FOXO3: variants seen among roughly 807,000 people sequenced by gnomAD.
FOXO3 encodes the protein forkhead box O3, also known as forkhead box protein O3.
Under a neutral mutation model 41.9 loss-of-function variants are expected in FOXO3, and 4 were observed. That is an observed-to-expected ratio of 0.10 (90% CI 0.05 to 0.22). The LOEUF (loss-of-function observed/expected upper bound fraction) is 0.22, where lower values mean the gene tolerates loss of function less well. FOXO3 is among the 10% of genes least tolerant of loss of function. FOXO3 has a pLI of 1.00. For synonymous variants in FOXO3, 318 were observed against 389.3 expected, an observed-to-expected ratio of 0.82 and a Z score of 2.16; for missense variants, 534 against 906.8, an observed-to-expected ratio of 0.59 and a Z score of 5.28.
chr6:108,560,269 G>T (rs2128353774), upstream of FOXO3, among the ~76,000 whole-genome samples: 1 of 152,318 alleles, frequency 6.6e-6, no homozygotes, highest in South Asian at 2.1e-4. Flanking sequence ...CGACCTGTTG[G>T]AAGATTTATG....
intron 1 of FOXO3, among the ~76,000 whole-genome samples, chr6:108,602,212 A>C (rs1562240589): frequency 6.6e-6 from 1 of 152,128 alleles, no homozygotes; most frequent in Non-Finnish European, 1.5e-5. Flanking sequence ...GATGTCTGAG[A>C]GCATACAGAA....
At chr6:108,567,026 A>G (rs1223624360) in intron 1 of FOXO3, among the ~76,000 whole-genome samples, 1 of 152,260 alleles carries the variant, frequency 6.6e-6, no homozygotes, top group Non-Finnish European at 1.5e-5. Flanking sequence ...AGCAGAAGGC[A>G]GATAAAGTTC....
chr6:108,619,619 T>A (rs1777610782), intron 1 of FOXO3, among the ~76,000 whole-genome samples: 1 of 152,240 alleles, frequency 6.6e-6, no homozygotes, highest in Admixed American at 6.5e-5. Flanking sequence ...TCTGTTTATT[T>A]GCGTCTAAGA....
rs1328532194 is a variant in FOXO3, at chr6:108,599,822, C to G, written c.621+37993C>G. On this transcript the variant is annotated intron_variant, in intron 1 of 2. Coordinates refer to ENST00000406360, the MANE Select transcript of FOXO3 (RefSeq NM_001455.4). ...ACAAATTCTATCTTCTTCCTCCCAT[C>G]CCACTTACTTTTGACTTTGAAGGTG... Among the ~76,000 whole-genome samples, 3 of 152,304 alleles carry G rather than the reference C, an allele frequency of 2.0e-5. No homozygotes were observed. The East Asian group carries it at 5.8e-4, about 29-fold the overall frequency.
intron 1 of FOXO3, among the ~76,000 whole-genome samples, chr6:108,579,052 TG>T (rs1229585554): frequency 6.6e-6 from 1 of 152,158 alleles, no homozygotes; most frequent in Non-Finnish European, 1.5e-5. Context: ...CAAAACACAG[TG>T]GGTTGGCCAG....
intron 1 of FOXO3, among the ~76,000 whole-genome samples, chr6:108,655,513 A>T (rs887609727): frequency 1.3e-5 from 2 of 152,204 alleles, no homozygotes; most frequent in African/African-American, 4.8e-5. Flanking sequence ...CTAATTGCAC[A>T]TTAGAATAAT....
chr6:108,650,557 T>G (rs1778520710), intron 1 of FOXO3, among the ~76,000 whole-genome samples: 1 of 152,240 alleles, frequency 6.6e-6, no homozygotes, highest in Non-Finnish European at 1.5e-5. Flanking sequence ...TTACCTAGCA[T>G]GTACATGAAG....
upstream of FOXO3, among the ~76,000 whole-genome samples, chr6:108,560,299 C>G (rs1370238026): frequency 6.6e-6 from 1 of 152,220 alleles, no homozygotes; most frequent in Non-Finnish European, 1.5e-5. Context: ...GCTCCCTCCC[C>G]CGGATCCCGA....
At chr6:108,594,918 G>C (rs1204942080) in intron 1 of FOXO3, among the ~76,000 whole-genome samples, 3 of 152,174 alleles carry the variant, frequency 2.0e-5, no homozygotes, top group Non-Finnish European at 4.4e-5. Context: ...CTTCCTTTAT[G>C]TGCTTATGCA....
intron 1 of FOXO3, among the ~76,000 whole-genome samples, chr6:108,565,413 A>C (rs1450342165): frequency 6.6e-6 from 1 of 152,226 alleles, no homozygotes; most frequent in Admixed American, 6.5e-5. Flanking sequence ...TTAAGCTTGC[A>C]CTGCACCCAT....
chr6:108,637,117 C>T (rs1314495588), intron 1 of FOXO3, among the ~76,000 whole-genome samples: 1 of 152,102 alleles, frequency 6.6e-6, no homozygotes, highest in Admixed American at 6.5e-5. Context: ...AGGTTTTCCG[C>T]AGCTGTGAAA....
At position 108,651,522 on chromosome 6, in the gene FOXO3, G is replaced by A. The variant is rs146921315; in HGVS notation, c.622-11933G>A. Reference sequence around the variant, plus strand: ...TGCTCTTGAAATAACAAGACAAAAAGGAACGGTTTTTCTGAGCCATAACAT... The same window carrying A: ...TGCTCTTGAAATAACAAGACAAAAAAGAACGGTTTTTCTGAGCCATAACAT... On this transcript the variant is annotated intron_variant, in intron 1 of 2. Transcript: ENST00000406360. Among the ~76,000 whole-genome samples, 514 of 152,288 alleles carry A rather than the reference G, an allele frequency of 3.4e-3. 2 individuals are homozygous for A. The highest frequency in any genetic ancestry group is 0.014 in the Middle Eastern group (4 of 294).
intron 1 of FOXO3, among the ~76,000 whole-genome samples, chr6:108,565,235 G>A (rs565837614): frequency 6.6e-6 from 1 of 152,292 alleles, no homozygotes; most frequent in East Asian, 1.9e-4. Flanking sequence ...AAGAAGGATA[G>A]CATTTTAACA....
At position 108,663,805 on chromosome 6, in the gene FOXO3, G is replaced by A. The variant is rs1186370520; in HGVS notation, c.972G>A (p.Leu324=). ...NSNASTVSGR[L]SPIMASTELD... Reference sequence around the variant, plus strand: ...ACGCCAGCACAGTCAGTGGCCGCCTGTCGCCCATCATGGCAAGCACAGAGT... The same window carrying A: ...ACGCCAGCACAGTCAGTGGCCGCCTATCGCCCATCATGGCAAGCACAGAGT... Residue 324 remains leucine (L), a synonymous_variant, in exon 2 of 3, where the codon CTG becomes CTA. Transcript: ENST00000406360. 1 of 1,613,898 alleles carries A rather than the reference G, an allele frequency of 6.2e-7. No homozygotes were observed. The highest frequency in any genetic ancestry group is 8.5e-7 in the Non-Finnish European group (1 of 1,179,806).
At chr6:108,666,732 A>G (rs1779073133) in intron 2 of FOXO3, among the ~76,000 whole-genome samples, 1 of 151,624 alleles carries the variant, frequency 6.6e-6, no homozygotes, top group African/African-American at 2.4e-5. Context: ...AGGGGAGGGA[A>G]GTGCCCTGAA....
intron 1 of FOXO3, among the ~76,000 whole-genome samples, chr6:108,629,727 T>G (rs949996028): frequency 6.6e-6 from 1 of 152,148 alleles, no homozygotes; most frequent in Non-Finnish European, 1.5e-5. Context: ...TTTGTATGTG[T>G]TGTTCTCTGG....
intron 1 of FOXO3, among the ~76,000 whole-genome samples, chr6:108,564,534 C>T (rs891703124): frequency 6.6e-6 from 1 of 152,204 alleles, no homozygotes; most frequent in Admixed American, 6.5e-5. Context: ...GCATAAAGGG[C>T]ACGGTATGCA....
intron 1 of FOXO3, among the ~76,000 whole-genome samples, chr6:108,628,558 T>TG (rs1446675180): frequency 2.6e-5 from 4 of 151,944 alleles, no homozygotes; most frequent in Non-Finnish European, 5.9e-5. Context: ...CTCGGGTATT[T>TG]GGGGGAGGAA....
intron 2 of FOXO3, among the ~76,000 whole-genome samples, chr6:108,670,542 G>A (rs1351925937): frequency 3.1e-4 from 47 of 151,886 alleles, no homozygotes; most frequent in Admixed American, 3.0e-3. Context: ...TAAACAAAGA[G>A]AAATTGCATT....
Sources: allele counts gnomAD v4.1 joint callset (sites outside exome capture counted in the v4.1 genomes callset), GRCh38; gene constraint gnomAD v4.1.1; transcripts MANE v1.5; gene names NCBI Gene and HGNC (gene_info 2026-07-23, HGNC 2026-07-21).